ADGRV1: variants seen among roughly 807,000 people sequenced by gnomAD.
The protein encoded by ADGRV1 is adhesion G protein-coupled receptor V1.
ADGRV1 carries 359 observed loss-of-function variants against 596.2 expected under a neutral mutation model. The ratio of observed to expected loss-of-function variants is 0.60; its 90% CI spans 0.55 to 0.66. The LOEUF (loss-of-function observed/expected upper bound fraction) is 0.66. ADGRV1 is among the 30% of genes least tolerant of loss of function. ADGRV1 has a pLI of 0.00. For missense variants in ADGRV1, 7,274 were observed against 7,575.6 expected, an observed-to-expected ratio of 0.96 and a Z score of 1.48; for synonymous variants, 2,681 against 2,679.2, an observed-to-expected ratio of 1.00 and a Z score of -0.02.
intron 36 of ADGRV1, among the ~76,000 whole-genome samples, chr5:90,704,984 T>C (rs1365223957): frequency 6.6e-6 from 1 of 152,020 alleles, no homozygotes; most frequent in African/African-American, 2.4e-5. Flanking sequence ...CTAATTTTTG[T>C]ATTTTAGTAG....
Position 90,619,088 on chromosome 5 carries a change from AC to A in ADGRV1, c.362del (p.Pro121LeufsTer5), listed in dbSNP as rs766519491. 7.1e-7 allele frequency: 1 copy of A among 1,403,952 alleles called. No individual in the cohort carries two copies. The highest frequency in any genetic ancestry group is 1.5e-5 in the African/African-American group (1 of 68,780). 87.0% of individuals were successfully genotyped at this position (1,403,952 alleles called of 1,614,324 possible). On this transcript the variant is annotated frameshift_variant, in exon 4 of 90. Transcript: ENST00000405460. LOFTEE classifies it high-confidence loss of function. ...TFIFHLTLQK[P>X]SANVKLGWPR... ...TTATTTTTGGGATTTTATTTTAGAAACCTTCAGCAAATGTGAAGCTTGGATG... is the reference window on the plus strand; with the variant it reads ...TTATTTTTGGGATTTTATTTTAGAAACTTCAGCAAATGTGAAGCTTGGATG...
chr5:90,932,587 T>C (rs979822599), intron 83 of ADGRV1, among the ~76,000 whole-genome samples: 1 of 152,214 alleles, frequency 6.6e-6, no homozygotes, highest in Non-Finnish European at 1.5e-5. Context: ...TCACTAAAAG[T>C]TCTACTATTA....
chr5:91,134,303 T>C (rs1473640226), intron 87 of ADGRV1, among the ~76,000 whole-genome samples: 1 of 151,790 alleles, frequency 6.6e-6, no homozygotes, highest in Non-Finnish European at 1.5e-5. Flanking sequence ...TCATCTCACC[T>C]CAGCATCCCA....
intron 72 of ADGRV1, among the ~76,000 whole-genome samples, chr5:90,807,027 A>AT: frequency 6.6e-6 from 1 of 151,732 alleles, no homozygotes; most frequent in East Asian, 1.9e-4. Context: ...TAATTTTTGT[A>AT]TTTTTTGTAC....
chr5:91,065,684 A>G (rs973004995), intron 85 of ADGRV1, among the ~76,000 whole-genome samples: 1 of 152,196 alleles, frequency 6.6e-6, no homozygotes. Flanking sequence ...TTTTTAAATC[A>G]AATTGGGTAA....
chr5:91,148,400 C>T (rs1006523268), intron 87 of ADGRV1, among the ~76,000 whole-genome samples: 1 of 150,884 alleles, frequency 6.6e-6, no homozygotes, highest in African/African-American at 2.4e-5. Flanking sequence ...GCAGTCATGA[C>T]TCTAAGGGGC....
chr5:90,569,375 ATATATATATATATTTTTTTTTTT>A (rs1278497757), intron 1 of ADGRV1, among the ~76,000 whole-genome samples: 4 of 20,940 alleles, frequency 1.9e-4, no homozygotes, highest in African/African-American at 1.1e-3. Flanking sequence ...ATATATATAT[ATATATATATATATTTTTTTTTTT>A]TTTTTTTTTT....
intron 87 of ADGRV1, among the ~76,000 whole-genome samples, chr5:91,137,422 C>T (rs1292677783): frequency 6.6e-6 from 1 of 152,158 alleles, no homozygotes; most frequent in East Asian, 1.9e-4. Flanking sequence ...TCATATGCCT[C>T]ATATTTTTAA....
In ADGRV1 at chr5:90,615,002, G is replaced by T; in HGVS notation, c.190G>T (p.Val64Phe). Residue 64 changes from valine (V) to phenylalanine (F), a missense_variant, in exon 2 of 90, where the codon GTT (valine) becomes TTT (phenylalanine). Coordinates refer to ENST00000405460, the MANE Select transcript of ADGRV1 (RefSeq NM_032119.4). ...TGAAAGGATAGGAGAGCCAGCAAAT[G>T]TTACTGCAATTGTATCGGTAAGAAA... ...IIERIGEPAN[V>F]TAIVSLYGED... 6.8e-7 allele frequency: 1 copy of T among 1,465,122 alleles called. No homozygotes were observed. Among genetic ancestry groups the T allele is most frequent in the South Asian group, 1.5e-5 (1 of 67,154 alleles). The allele number at this position is 1,465,122 out of a possible 1,614,324, so 90.8% of individuals were successfully genotyped here.
In ADGRV1 at chr5:90,674,126, G is replaced by C. The variant is rs1240530773; in HGVS notation, c.5002G>C (p.Ala1668Pro). 1 of 1,613,440 alleles carries C rather than the reference G, an allele frequency of 6.2e-7. No homozygotes were observed. The highest frequency in any genetic ancestry group is 8.5e-7 in the Non-Finnish European group (1 of 1,179,554). ...NEYFRVTLVS[A>P]IPGDGKLGST... ...GTATTTCCGTGTGACATTGGTTTCT[G>C]CAATTCCTGGAGATGGGAAGCTAGG... The change falls in exon 23 of 90, where the codon GCA (alanine) becomes CCA (proline). Residue 1668 changes from alanine (A) to proline (P), a missense_variant. Ala to Pro is a conservative substitution (Grantham distance 27). Around this residue, in one of 5 missense-constraint regions of ADGRV1, gnomAD observed 3,643 missense variants for 3,809.2 expected, o/e 0.96. Coordinates refer to ENST00000405460, the MANE Select transcript of ADGRV1 (RefSeq NM_032119.4).
At chr5:91,150,349 A>G (rs1309969008) in intron 88 of ADGRV1, 128 bp downstream of exon 88, 1 of 663,806 alleles carries the variant, frequency 1.5e-6, no homozygotes, top group Non-Finnish European at 2.3e-6. Context: ...GTACAAGATG[A>G]ATCACACTAG....
intron 58 of ADGRV1, among the ~76,000 whole-genome samples, chr5:90,761,768 G>T (rs1474141851): frequency 1.3e-5 from 2 of 152,186 alleles, no homozygotes; most frequent in African/African-American, 4.8e-5. Flanking sequence ...AATATGTAAA[G>T]CATGCGTGCT....
chr5:90,845,188 C>A (rs1327666791), intron 78 of ADGRV1, among the ~76,000 whole-genome samples: 4 of 139,292 alleles, frequency 2.9e-5, no homozygotes, highest in Non-Finnish European at 3.4e-5. Flanking sequence ...TTCGTGGTCA[C>A]CAACTGTGTG....
intron 83 of ADGRV1, among the ~76,000 whole-genome samples, chr5:90,886,706 A>T (rs762597439): frequency 4.9e-4 from 74 of 152,192 alleles, no homozygotes; most frequent in Non-Finnish European, 9.3e-4. Context: ...TAACATGTCC[A>T]GATGACAAGT....
At chr5:90,813,131 T>TTAAAAAAA (rs1299604488) in intron 74 of ADGRV1, among the ~76,000 whole-genome samples, 1 of 3,162 alleles carries the variant, frequency 3.2e-4, no homozygotes, top group Non-Finnish European at 4.3e-3. Context: ...AGACTCCGTC[T>TTAAAAAAA]CAAAAAAAAA....
chr5:90,652,698 A>AC, intron 19 of ADGRV1, 135 bp downstream of exon 19: 1 of 599,888 alleles, frequency 1.7e-6, no homozygotes, highest in Non-Finnish European at 2.8e-6. Flanking sequence ...TCTGATTTTA[A>AC]ATGTTAAAAT....
intron 85 of ADGRV1, among the ~76,000 whole-genome samples, chr5:90,998,734 T>C (rs1781612624): frequency 6.6e-6 from 1 of 152,176 alleles, no homozygotes; most frequent in Non-Finnish European, 1.5e-5. Flanking sequence ...TGCACGTGTT[T>C]ACACTAAAGC....
intron 88 of ADGRV1, among the ~76,000 whole-genome samples, chr5:91,150,731 GA>G (rs1795981122): frequency 6.6e-6 from 1 of 152,132 alleles, no homozygotes; most frequent in South Asian, 2.1e-4. Context: ...AAATATTTTA[GA>G]AAACAAGCTC....
intron 85 of ADGRV1, among the ~76,000 whole-genome samples, chr5:91,060,412 T>C (rs1035792046): frequency 2.7e-5 from 4 of 148,372 alleles, no homozygotes; most frequent in African/African-American, 1.0e-4. Flanking sequence ...TTTTTTTTAA[T>C]AGAGACGAGG....
Sources: allele counts gnomAD v4.1 joint callset (sites outside exome capture counted in the v4.1 genomes callset), GRCh38; gene constraint gnomAD v4.1.1; regional missense constraint gnomAD v4.1.1; transcripts MANE v1.5; gene names NCBI Gene and HGNC (gene_info 2026-07-23, HGNC 2026-07-21).